ROCK2: variants seen among roughly 807,000 people sequenced by gnomAD.
The protein encoded by ROCK2 is Rho associated coiled-coil containing protein kinase 2, also known as rho-associated protein kinase 2.
In ROCK2, 61 loss-of-function variants were observed where a neutral mutation model predicts 195.1. That is an observed-to-expected ratio of 0.31 (90% confidence interval 0.25 to 0.39). The LOEUF (loss-of-function observed/expected upper bound fraction) is 0.39, where lower values mean the gene tolerates loss of function less well. Ranked by LOEUF, ROCK2 falls within the 10% of genes least tolerant of loss-of-function variation. The pLI, the probability that ROCK2 is intolerant of heterozygous loss-of-function variation, is 1.00. For missense variants in ROCK2, 1,109 were observed against 1,637.4 expected, an observed-to-expected ratio of 0.68 and a Z score of 5.57; for synonymous variants, 504 against 545.5, an observed-to-expected ratio of 0.92 and a Z score of 1.06.
chr2:11,308,595 G>C lies in ROCK2; in HGVS notation c.142-20859C>G, dbSNP rs1185450847. 35 of 1,495,966 alleles carry C rather than the reference G, an allele frequency of 2.3e-5. No individual in the cohort carries two copies. The Admixed American group carries it at 5.5e-4, about 24-fold the overall frequency. The allele number at this position is 1,495,966 out of a possible 1,614,324, so 92.7% of individuals were successfully genotyped here. A position where few individuals can be genotyped will look rare whatever the true frequency, so the allele number is the denominator to read the frequency against. On this transcript the variant is annotated intron_variant, in intron 1 of 32. Transcript: ENST00000315872. ...TGCATCAATCCCTATATTACAGTTA[G>C]TGTAAAGGATCTGAATGGCATAGAC...
At chr2:11,229,533 CT>C (rs1344680042) in intron 5 of ROCK2, among the ~76,000 whole-genome samples, 2 of 150,146 alleles carry the variant, frequency 1.3e-5, no homozygotes, top group African/African-American at 4.9e-5. Flanking sequence ...ATGGCTCTAT[CT>C]CCTAAAACCA....
chr2:11,320,359 C>T (rs1282224081), intron 1 of ROCK2, among the ~76,000 whole-genome samples: 1 of 152,140 alleles, frequency 6.6e-6, no homozygotes, highest in Non-Finnish European at 1.5e-5. Flanking sequence ...TACCCACTAC[C>T]AGGTTCCTTC....
At chr2:11,205,504 T>C (rs1378284602) in intron 20 of ROCK2, among the ~76,000 whole-genome samples, 1 of 152,212 alleles carries the variant, frequency 6.6e-6, no homozygotes, top group East Asian at 1.9e-4. Context: ...ACTAGAGTTT[T>C]TCTGGAATCT....
At position 11,344,074 on chromosome 2, in the gene ROCK2, C is replaced by A. The variant is rs1669200357; in HGVS notation, c.63G>T (p.Gly21=). 1 of 1,554,924 alleles carries A rather than the reference C, an allele frequency of 6.4e-7. No individual in the cohort carries two copies. The change falls in exon 1 of 33, where the codon GGG becomes GGT. Residue 21 remains glycine, a synonymous_variant. Transcript: ENST00000315872. This position sits in a 1 kb window ranked among gnomAD's most constrained non-coding sequence, Gnocchi z 5.4. ...GCTTCCTCTGGCGGCTCGCGCCTGC[C>A]CCGTCCCCCGGCGCGGTCTCGGGGG... The part of the protein sequence containing the change: ...PGAPETAPGD[G]AGASRQRKLE...
At chr2:11,305,396 T>A (rs1226285127) in intron 1 of ROCK2, among the ~76,000 whole-genome samples, 1 of 150,650 alleles carries the variant, frequency 6.6e-6, no homozygotes, top group Non-Finnish European at 1.5e-5. Flanking sequence ...TTAAAAAAAA[T>A]AAAGATGGAT....
At chr2:11,341,623 GCTC>G (rs1669108963) in intron 1 of ROCK2, among the ~76,000 whole-genome samples, 1 of 151,980 alleles carries the variant, frequency 6.6e-6, no homozygotes, top group African/African-American at 2.4e-5. Context: ...TACTTTCTGA[GCTC>G]CTGAATGTAG....
At chr2:11,308,494 A>G in intron 1 of ROCK2, 1 of 1,596,384 alleles carries the variant, frequency 6.3e-7, no homozygotes, top group East Asian at 2.2e-5. Flanking sequence ...CTTTCTTACC[A>G]AGGTTGCCAC....
chr2:11,278,583 G>C (rs1486613251), intron 3 of ROCK2, among the ~76,000 whole-genome samples: 2 of 152,192 alleles, frequency 1.3e-5, no homozygotes, highest in Admixed American at 6.5e-5. Context: ...ATACCTACTA[G>C]TGGAATTGCT....
intron 1 of ROCK2, among the ~76,000 whole-genome samples, chr2:11,298,469 C>CAAAAAA (rs771356019): frequency 2.2e-5 from 1 of 45,010 alleles, no homozygotes; most frequent in Non-Finnish European, 4.8e-5. Context: ...GACTCCATCT[C>CAAAAAA]AAAAAAAAAA....
intron 3 of ROCK2, among the ~76,000 whole-genome samples, chr2:11,281,687 GAAATT>G (rs966705979): frequency 3.3e-5 from 5 of 152,134 alleles, no homozygotes; most frequent in African/African-American, 1.2e-4. Flanking sequence ...CAATGTATAT[GAAATT>G]AAATTCCTGT....
At position 11,207,876 on chromosome 2, in the gene ROCK2, G is replaced by A; in HGVS notation, c.2399C>T (p.Thr800Ile). Residue 800 changes from threonine to isoleucine, a missense_variant, in exon 20 of 33, where the codon ACT (threonine) becomes ATT (isoleucine). Thr to Ile is a moderately conservative substitution (Grantham distance 89). Coordinates refer to ENST00000315872, the MANE Select transcript of ROCK2 (RefSeq NM_004850.5). ...RNLTLKIEQETQKRCLTQNDL... is the reference protein window; with the variant it reads ...RNLTLKIEQEIQKRCLTQNDL... ...ATTTTGTGTAAGGCAGCGCTTCTGA[G>A]TTTCTTGCTCTATTTTTAATGTCAG... 6.3e-7 allele frequency: 1 copy of A among 1,592,550 alleles called. No homozygotes were observed. The highest frequency in any genetic ancestry group is 1.7e-5 in the Admixed American group (1 of 57,500).
intron 7 of ROCK2, among the ~76,000 whole-genome samples, chr2:11,222,884 C>G (rs1438103838): frequency 6.6e-6 from 1 of 152,078 alleles, no homozygotes; most frequent in Non-Finnish European, 1.5e-5. Context: ...AGTTTTCCAC[C>G]TATAATCATT....
chr2:11,304,778 G>T (rs891756135), intron 1 of ROCK2, among the ~76,000 whole-genome samples: 1 of 152,038 alleles, frequency 6.6e-6, no homozygotes, highest in African/African-American at 2.4e-5. Context: ...CCTTCTAAAC[G>T]TTTCGAAATC....
chr2:11,292,927 T>C lies in ROCK2; in HGVS notation c.142-5191A>G, dbSNP rs1259171179. The stretch of plus-strand genomic sequence containing the variant: ...TCAGGAGATCTGGTTTAGAAGTGTG[T>C]AGCACCTCCCCCTTCTCCCTCTTCC... On this transcript the variant is annotated intron_variant, in intron 1 of 32. Transcript: ENST00000315872. Among the ~76,000 whole-genome samples, 5 of 152,262 alleles carry C rather than the reference T, an allele frequency of 3.3e-5. No individual in the cohort carries two copies. The East Asian group carries it at 9.6e-4, about 29-fold the overall frequency.
intron 1 of ROCK2, among the ~76,000 whole-genome samples, chr2:11,293,034 C>T (rs373147471): frequency 3.9e-5 from 6 of 152,160 alleles, no homozygotes; most frequent in Non-Finnish European, 8.8e-5. Flanking sequence ...TCTCCAGCCA[C>T]GCTTCCTGTA....
chr2:11,218,355 G>A, intron 11 of ROCK2, 100 bp downstream of exon 11: 2 of 784,762 alleles, frequency 2.5e-6, no homozygotes. Context: ...TTGGGTAGAT[G>A]TAGTACTCCA....
At position 11,214,380 on chromosome 2, in the gene ROCK2, C is replaced by G; in HGVS notation, c.2020G>C (p.Glu674Gln). The change falls in exon 17 of 33, where the codon GAG becomes CAG. Residue 674 changes from glutamate (E) to glutamine (Q), a missense_variant. Physicochemically the swap from Glu to Gln is conservative, Grantham distance 29. Coordinates refer to ENST00000315872, the MANE Select transcript of ROCK2 (RefSeq NM_004850.5). ...KVELEKRQLQ[E>Q]RFTDLEKEKS... ...ACCTTTTCCAAATCAGTAAATCTCT[C>G]CTGAAGTTGTCTCTTCTCCAGTTCT... 6.3e-7 allele frequency: 1 copy of G among 1,594,330 alleles called. No individual in the cohort carries two copies. Among genetic ancestry groups the G allele is most frequent in the Non-Finnish European group, 8.6e-7 (1 of 1,163,782 alleles).
intron 4 of ROCK2, 134 bp from the exon 5 acceptor site, chr2:11,236,096 A>C: frequency 1.2e-6 from 1 of 827,396 alleles, no homozygotes; most frequent in Non-Finnish European, 1.7e-6. Flanking sequence ...AATTTATGAG[A>C]TCTTTTATTT....
rs377717550 is a variant in ROCK2, at chr2:11,198,661, C to G, written c.3004+20G>C. Reference sequence around the variant, plus strand: ...AAACATTAGGTATATTAAAAATAAACATTTTTTGTTAATACATACGCTCTT... The same window carrying G: ...AAACATTAGGTATATTAAAAATAAAGATTTTTTGTTAATACATACGCTCTT... On this transcript the variant is annotated intron_variant, in intron 24 of 32. Coordinates refer to ENST00000315872, the MANE Select transcript of ROCK2 (RefSeq NM_004850.5). 3.6e-5 allele frequency: 57 copies of G among 1,577,214 alleles called. No individual in the cohort carries two copies. Among genetic ancestry groups the G allele is most frequent in the Non-Finnish European group, 4.9e-5 (57 of 1,153,628 alleles).
Sources: allele counts gnomAD v4.1 joint callset (sites outside exome capture counted in the v4.1 genomes callset), GRCh38; gene constraint gnomAD v4.1.1; non-coding constraint Gnocchi (gnomAD v3.1); transcripts MANE v1.5; gene names NCBI Gene and HGNC (gene_info 2026-07-23, HGNC 2026-07-21).